The following SPMAP2L variants were observed in gnomAD, a reference collection of about 807,000 sequenced individuals.
SPMAP2L encodes sperm microtubule associated protein 2 like.
the SPMAP2L span, among the ~76,000 whole-genome samples, chr4:56,589,175 GGC>G: frequency 3.5e-4 from 53 of 151,874 alleles, 2 homozygotes; most frequent in Middle Eastern, 3.4e-3. Flanking sequence ...TTTTAGTCGA[GGC>G]AGAGTTTCAC....
the SPMAP2L span, among the ~76,000 whole-genome samples, chr4:56,534,556 C>T: frequency 3.3e-5 from 5 of 152,198 alleles, no homozygotes; most frequent in African/African-American, 1.2e-4. Flanking sequence ...TCTCTAGCCT[C>T]AGTTTTTCCC....
At chr4:56,548,727 T>A in the SPMAP2L span, 1 of 1,211,306 alleles carries the variant, frequency 8.3e-7, no homozygotes, top group Non-Finnish European at 1.1e-6. Context: ...TGTGATGCTA[T>A]CTTAATCATA....
At chr4:56,537,697 CT>C in the SPMAP2L span, among the ~76,000 whole-genome samples, 132 of 145,310 alleles carry the variant, frequency 9.1e-4, no homozygotes, top group Admixed American at 1.2e-3. Context: ...CTTTTCTTTT[CT>C]TTTTTTTTTT....
At chr4:56,602,943 C>T in the SPMAP2L span, among the ~76,000 whole-genome samples, 4 of 152,196 alleles carry the variant, frequency 2.6e-5, no homozygotes, top group East Asian at 7.7e-4. Flanking sequence ...AACTCAAGTT[C>T]AAGACTAAGC....
chr4:56,613,954 C>T, the SPMAP2L span, among the ~76,000 whole-genome samples: 1 of 152,164 alleles, frequency 6.6e-6, no homozygotes, highest in African/African-American at 2.4e-5. Context: ...GCTGGCTCCT[C>T]AAGGCACCAC....
the SPMAP2L span, among the ~76,000 whole-genome samples, chr4:56,606,220 G>C: frequency 5.9e-5 from 9 of 152,226 alleles, no homozygotes; most frequent in African/African-American, 2.2e-4. Context: ...GACATTCCAA[G>C]TAGTGGGAAC....
the SPMAP2L span, among the ~76,000 whole-genome samples, chr4:56,568,478 T>C: frequency 6.6e-6 from 1 of 152,140 alleles, no homozygotes; most frequent in East Asian, 1.9e-4. Flanking sequence ...GGTTTTCTTT[T>C]AAAAAAATAG....
At chr4:56,552,695 T>C in the SPMAP2L span, 5 of 772,326 alleles carry the variant, frequency 6.5e-6, no homozygotes, top group African/African-American at 3.4e-5. Context: ...TCCATCCACC[T>C]CTACTTAACT....
the SPMAP2L span, chr4:56,600,994 A>G: frequency 2.6e-6 from 4 of 1,535,476 alleles, no homozygotes; most frequent in Non-Finnish European, 3.5e-6. Flanking sequence ...AGCGAAGTCC[A>G]AGTCTGTTCA....
the SPMAP2L span, among the ~76,000 whole-genome samples, chr4:56,537,273 T>A: frequency 6.6e-6 from 1 of 152,202 alleles, no homozygotes; most frequent in Non-Finnish European, 1.5e-5. Flanking sequence ...TTTACACTTT[T>A]ACCCCTAGGT....
chr4:56,606,086 G>A, the SPMAP2L span, among the ~76,000 whole-genome samples: 8 of 152,182 alleles, frequency 5.3e-5, no homozygotes, highest in African/African-American at 1.4e-4. Flanking sequence ...AGCATTAGCC[G>A]TCTCTTTGGC....
the SPMAP2L span, chr4:56,594,313 G>C: frequency 6.6e-7 from 1 of 1,525,952 alleles, no homozygotes; most frequent in Non-Finnish European, 9.1e-7. Context: ...TTCACAGCAT[G>C]ATTCCACTGG....
the SPMAP2L span, among the ~76,000 whole-genome samples, chr4:56,568,112 T>A: frequency 0.025 from 3,876 of 152,256 alleles, 164 homozygotes; most frequent in African/African-American, 0.089. Context: ...TCTCACCCAT[T>A]GTAGTTTTTA....
chr4:56,593,477 AC>A, the SPMAP2L span: 2 of 1,594,338 alleles, frequency 1.3e-6, no homozygotes, highest in Non-Finnish European at 1.7e-6. Flanking sequence ...AAGGTGGAAG[AC>A]TTTACGGAAC....
the SPMAP2L span, among the ~76,000 whole-genome samples, chr4:56,622,307 T>C: frequency 2.0e-5 from 3 of 152,372 alleles, no homozygotes; most frequent in African/African-American, 7.2e-5. Context: ...GCATTATTTA[T>C]TTTGCAAAGG....
the SPMAP2L span, among the ~76,000 whole-genome samples, chr4:56,607,060 G>T: frequency 1.3e-5 from 2 of 152,132 alleles, no homozygotes; most frequent in Admixed American, 1.3e-4. Context: ...ATAACTTCTG[G>T]ATTTCTAGGT....
At chr4:56,599,975 C>CAGAA in the SPMAP2L span, among the ~76,000 whole-genome samples, 1 of 151,948 alleles carries the variant, frequency 6.6e-6, no homozygotes, top group East Asian at 1.9e-4. Context: ...TCACACCATT[C>CAGAA]AGAAAGGTGA....
At chr4:56,547,324 C>A in the SPMAP2L span, among the ~76,000 whole-genome samples, 1 of 150,454 alleles carries the variant, frequency 6.6e-6, no homozygotes, top group African/African-American at 2.4e-5. Flanking sequence ...TGGCTCACTG[C>A]AACCTCCGCC....
At chr4:56,578,759 T>C in the SPMAP2L span, among the ~76,000 whole-genome samples, 1 of 150,904 alleles carries the variant, frequency 6.6e-6, no homozygotes, top group South Asian at 2.1e-4. Flanking sequence ...AGAAAGGACA[T>C]TTTATATTAT....
Sources: gnomAD v4.1 joint callset for allele counts (sites outside exome capture counted in the v4.1 genomes callset) on GRCh38, gnomAD v4.1.1 for gene constraint, MANE v1.5 for transcripts, NCBI Gene and HGNC (gene_info 2026-07-23, HGNC 2026-07-21) for gene names.